The following COG1 variants were observed in gnomAD, a reference collection of about 807,000 sequenced individuals.
COG1 encodes component of oligomeric golgi complex 1.
A neutral mutation model predicts 102.2 loss-of-function variants in COG1; 61 were observed. The observed-to-expected ratio is 0.60, with a 90% CI of 0.49 to 0.74. The LOEUF is 0.74. Among genes scored for constraint, COG1 ranks in the 30% least tolerant of loss-of-function variants. COG1 has a pLI of 0.00. For missense variants in COG1, 1,164 were observed against 1,232.1 expected (o/e 0.94, Z 0.83); for synonymous variants, 454 against 493.6 (o/e 0.92, Z 1.06).
At chr17:73,208,282 T>G in intron 13 of COG1, 32 bp from the exon 14 acceptor site, 2 of 1,612,228 alleles carry the variant, frequency 1.2e-6, no homozygotes, top group Non-Finnish European at 1.7e-6. Context: ...TCAGGCCAAC[T>G]CTAAGGCACT....
intron 13 of COG1, chr17:73,207,496 C>A (rs1009132629): frequency 1.6e-5 from 10 of 629,420 alleles, no homozygotes; most frequent in South Asian, 1.7e-5. Flanking sequence ...AGAAAATATA[C>A]AGGACAGGGT....
Position 73,197,462 on chromosome 17 carries a change from G to A in COG1, c.913+66G>A, listed in dbSNP as rs188686953. 285 of 1,550,970 alleles carry A rather than the reference G, an allele frequency of 1.8e-4. No homozygotes were observed. In the South Asian group the frequency reaches 2.4e-3, roughly 13 times the overall value. On this transcript the variant is annotated intron_variant, in intron 4 of 13. Coordinates refer to ENST00000299886, the MANE Select transcript of COG1 (RefSeq NM_018714.3). ...ACTGATAATTTGCTCAGCGTCTACC[G>A]TGTGCCAGCCACCATGCTAGGCTCT...
At position 73,196,744 on chromosome 17, in the gene COG1, C is replaced by T; in HGVS notation, c.553C>T (p.His185Tyr). 1 of 1,614,162 alleles carries T rather than the reference C, an allele frequency of 6.2e-7. No homozygotes were observed. Among genetic ancestry groups the T allele is most frequent in the East Asian group, 2.2e-5 (1 of 44,888 alleles). ...CATCCGGCAGGTGGCAGCCGCCAGCCACTTCCGGTAAGTGGATCCAGCGCA... is the reference window on the plus strand; with the variant it reads ...CATCCGGCAGGTGGCAGCCGCCAGCTACTTCCGGTAAGTGGATCCAGCGCA... ...ILIRQVAAAS[H>Y]FRSTILHESK... The change falls in exon 2 of 14, where the codon CAC (histidine) becomes TAC (tyrosine). Residue 185 changes from histidine to tyrosine, a missense_variant. His to Tyr is a moderately conservative substitution (Grantham distance 83, BLOSUM62 2). Coordinates refer to ENST00000299886, the MANE Select transcript of COG1 (RefSeq NM_018714.3).
chr17:73,206,149 C>T lies in COG1; in HGVS notation c.2511-5C>T, dbSNP rs201123101. ...GGACAGTAATGATCCTAATCCTTTT[C>T]TCAGAATTGAGAAAGTGACTGACCA... On this transcript the variant is annotated splice_region_variant and splice_polypyrimidine_tract_variant and intron_variant, in intron 10 of 13. Transcript: ENST00000299886. 1 of 1,608,142 alleles carries T rather than the reference C, an allele frequency of 6.2e-7. No individual in the cohort carries two copies. Among genetic ancestry groups the T allele is most frequent in the Non-Finnish European group, 8.5e-7 (1 of 1,174,524 alleles).
chr17:73,199,468 C>T (rs1021756207), intron 4 of COG1, among the ~76,000 whole-genome samples: 2 of 152,172 alleles, frequency 1.3e-5, no homozygotes, highest in Non-Finnish European at 2.9e-5. Flanking sequence ...CCTGATGGGA[C>T]CTCACACGTG....
Position 73,199,973 on chromosome 17 carries a change from C to T in COG1, c.1022C>T (p.Pro341Leu). 1.9e-6 allele frequency: 3 copies of T among 1,614,080 alleles called. No individual in the cohort carries two copies. The highest frequency in any genetic ancestry group is 2.5e-6 in the Non-Finnish European group (3 of 1,180,000). ...CCAACACTCCGAACCCTTGCACATC[C>T]CATCAGTCAGGAATACCTGAAAGAC... ...FQPTLRTLAH[P>L]ISQEYLKDTL... Residue 341 changes from proline (P) to leucine (L), a missense_variant, in exon 5 of 14, where the codon CCC (proline) becomes CTC (leucine). Coordinates refer to ENST00000299886, the MANE Select transcript of COG1 (RefSeq NM_018714.3).
rs755921036 is a variant in COG1 at position 73,208,348 on chromosome 17, C to T, written c.2840C>T (p.Pro947Leu). 6 of 1,614,082 alleles carry T rather than the reference C, an allele frequency of 3.7e-6. No individual in the cohort carries two copies. The highest frequency in any genetic ancestry group is 1.3e-5 in the African/African-American group (1 of 75,042). The change falls in exon 14 of 14, where the codon CCG becomes CTG. Residue 947 changes from proline to leucine, a missense_variant. Pro to Leu is a moderately conservative substitution (Grantham distance 98). Transcript: ENST00000299886. ...CCGGCACGCTCCACAGCTGGTGACCCGACAGTTCCTGGCTCCTTGTTCAGA... is the reference window on the plus strand; with the variant it reads ...CCGGCACGCTCCACAGCTGGTGACCTGACAGTTCCTGGCTCCTTGTTCAGA... ...VPPARSTAGD[P>L]TVPGSLFRQL...
Position 73,197,257 on chromosome 17 carries a change from A to T in COG1, c.774A>T (p.Leu258Phe). ...GTATCAAGGCTCAGATTTGCTCATT[A>T]GTGGAGTTGCTGGCCACCACTCTGA... is the stretch of plus-strand genomic sequence containing the variant. ...GAGIKAQICSLVELLATTLKQ... is the reference protein window; with the variant it reads ...GAGIKAQICSFVELLATTLKQ... Residue 258 changes from leucine to phenylalanine, a missense_variant, in exon 4 of 14, where the codon TTA (leucine) becomes TTT (phenylalanine). Leu to Phe is a conservative substitution (Grantham distance 22). Coordinates refer to ENST00000299886, the MANE Select transcript of COG1 (RefSeq NM_018714.3). The T allele has an allele frequency of 6.2e-7, 1 of 1,614,224 alleles. No homozygotes were observed.
chr17:73,196,619 CCA>C lies in COG1; in HGVS notation c.433_434del (p.Gln145AlafsTer18). On this transcript the variant is annotated frameshift_variant, in exon 2 of 14. Transcript: ENST00000299886. LOFTEE classifies it high-confidence loss of function. The stretch of plus-strand genomic sequence containing the variant: ...ATGGAAGCCTCTCAGTGTCTCCACG[CCA>C]CACAGCTCTACCTGCTCTGCTGCCA... 1 of 1,614,204 alleles carries C rather than the reference CCA, an allele frequency of 6.2e-7. No individual in the cohort carries two copies. Among genetic ancestry groups the C allele is most frequent in the Non-Finnish European group, 8.5e-7 (1 of 1,180,034 alleles).
Position 73,199,758 on chromosome 17 carries a change from G to T in COG1, c.914-107G>T, listed in dbSNP as rs1599325741. On this transcript the variant is annotated intron_variant, in intron 4 of 13. Transcript: ENST00000299886. ...CCTGGCAAATTGTTTCTTTTTTGTA[G>T]AGGTGAGGTTTCACTGTGTTGCCCA... The T allele has an allele frequency of 2.3e-6, 3 of 1,308,320 alleles. No homozygotes were observed. The Admixed American group carries it at 5.4e-5, about 24-fold the overall frequency. 81.0% of individuals were successfully genotyped at this position (1,308,320 alleles called of 1,614,324 possible).
intron 9 of COG1, 170 bp from the exon 10 acceptor site, chr17:73,205,383 T>C (rs2061364413): frequency 1.4e-6 from 1 of 727,256 alleles, no homozygotes; most frequent in Non-Finnish European, 2.4e-6. Context: ...AAGGTCAAGT[T>C]TCTAACAAAA....
Position 73,202,956 on chromosome 17 carries a change from G to A in COG1, c.2074-44G>A, listed in dbSNP as rs1241534552. ...CAGATTGTTTTAAAGAAACTCTACAGAGGATCTGAGTGGCTTGTATGGATA... is the reference window on the plus strand; with the variant it reads ...CAGATTGTTTTAAAGAAACTCTACAAAGGATCTGAGTGGCTTGTATGGATA... On this transcript the variant is annotated intron_variant, in intron 7 of 13. Transcript: ENST00000299886. 5 of 1,608,478 alleles carry A rather than the reference G, an allele frequency of 3.1e-6. No individual in the cohort carries two copies. In the South Asian group the frequency reaches 4.4e-5, roughly 14 times the overall value.
intron 4 of COG1, among the ~76,000 whole-genome samples, chr17:73,199,470 TCA>T (rs2061337875): frequency 6.6e-6 from 1 of 152,226 alleles, no homozygotes; most frequent in Admixed American, 6.5e-5. Context: ...TGATGGGACC[TCA>T]CACGTGTCCC....
rs183201115 is a variant in COG1, at chr17:73,205,338, C to T, written c.2383-215C>T. On this transcript the variant is annotated intron_variant, in intron 9 of 13. Transcript: ENST00000299886. ...CAGCATCTGAGGCCTTTTTTAAGGGCCAGGTCTCTTCCCTGCTGTTAGGTT... is the reference window on the plus strand; with the variant it reads ...CAGCATCTGAGGCCTTTTTTAAGGGTCAGGTCTCTTCCCTGCTGTTAGGTT... 4.1e-3 allele frequency: 2,298 copies of T among 566,718 alleles called. 10 individuals carry two copies. Among genetic ancestry groups the T allele is most frequent in the Non-Finnish European group, 6.2e-3 (1,954 of 316,488 alleles). 35.1% of individuals were successfully genotyped at this position (566,718 alleles called of 1,614,324 possible).
Position 73,200,552 on chromosome 17 carries a change from T to G in COG1, c.1071-14T>G. 1 of 1,611,236 alleles carries G rather than the reference T, an allele frequency of 6.2e-7. No homozygotes were observed. The highest frequency in any genetic ancestry group is 8.5e-7 in the Non-Finnish European group (1 of 1,177,408). The stretch of plus-strand genomic sequence containing the variant: ...TGCCTCTGATGGAGCCCAAAGAACA[T>G]GATTCTGTTGCAGGTGTAATGAAGA... On this transcript the variant is annotated splice_polypyrimidine_tract_variant and intron_variant, in intron 5 of 13. Transcript: ENST00000299886.
chr17:73,199,341 T>C (rs948704931), intron 4 of COG1, among the ~76,000 whole-genome samples: 4 of 36,362 alleles, frequency 1.1e-4, no homozygotes, highest in Admixed American at 2.5e-4. Context: ...CCCCCAGGAC[T>C]GCATAGCACT....
rs2061353910 is a variant in COG1 at position 73,203,150 on chromosome 17, A to C, written c.2220+4A>C. 1 of 1,614,014 alleles carries C rather than the reference A, an allele frequency of 6.2e-7. No homozygotes were observed. Among genetic ancestry groups the C allele is most frequent in the Non-Finnish European group, 8.5e-7 (1 of 1,179,986 alleles). ...CAAGATCCGACTCCCTGCACAGGTG[A>C]GCAGGGACCATGGGCTGAAAAAGGG... On this transcript the variant is annotated splice_donor_region_variant and intron_variant, in intron 8 of 13. Coordinates refer to ENST00000299886, the MANE Select transcript of COG1 (RefSeq NM_018714.3).
In COG1 at chr17:73,193,218, A is replaced by C. The variant is rs1179136372; in HGVS notation, c.149A>C (p.Gln50Pro). 3.9e-5 allele frequency: 62 copies of C among 1,609,042 alleles called. No individual in the cohort carries two copies. Among genetic ancestry groups the C allele is most frequent in the Non-Finnish European group, 5.2e-5 (61 of 1,178,222 alleles). ...EIEHKKEELR[Q>P]MVGERYRDLI... ...GAGCACAAGAAGGAGGAGCTGCGGC[A>C]GATGGTGGGCGAACGGTACCGCGAC... is the stretch of plus-strand genomic sequence containing the variant. The change falls in exon 1 of 14, where the codon CAG becomes CCG. Residue 50 changes from glutamine (Q) to proline (P), a missense_variant. Transcript: ENST00000299886.
At chr17:73,199,207 T>G (rs1285458248) in intron 4 of COG1, among the ~76,000 whole-genome samples, 1 of 152,172 alleles carries the variant, frequency 6.6e-6, no homozygotes, top group Admixed American at 6.5e-5. Context: ...TATGAACGAC[T>G]CAGTTAATCA....
Sources: gnomAD v4.1 joint callset for allele counts (sites outside exome capture counted in the v4.1 genomes callset) on GRCh38, gnomAD v4.1.1 for gene constraint, MANE v1.5 for transcripts, NCBI Gene and HGNC (gene_info 2026-07-23, HGNC 2026-07-21) for gene names.